Variants in FRMPD4 observed in about 807,000 individuals in gnomAD.
FRMPD4 encodes the protein FERM and PDZ domain containing 4.
In FRMPD4, 22 loss-of-function variants were observed where a neutral mutation model predicts 94.1. That is an observed-to-expected ratio of 0.23 (90% CI 0.17 to 0.33). FRMPD4 has a LOEUF of 0.33. Among genes scored for constraint, FRMPD4 ranks in the 10% least tolerant of loss-of-function variants. The pLI is 1.00. For synonymous variants in FRMPD4, 631 were observed against 548.6 expected (o/e 1.15, Z -2.10); for missense variants, 1,111 against 1,339.9 (o/e 0.83, Z 2.67).
At chrX:12,358,406 A>G (rs1028892992) in intron 1 of FRMPD4, among the ~76,000 whole-genome samples, 2 of 111,389 alleles carry the variant, frequency 1.8e-5, no homozygotes, top group Non-Finnish European at 3.8e-5. Flanking sequence ...TATTTGGAGA[A>G]GTGACTGTCT....
At chrX:12,344,800 T>C (rs2147963974) in intron 1 of FRMPD4, among the ~76,000 whole-genome samples, 1 of 111,959 alleles carries the variant, frequency 8.9e-6, no homozygotes, top group South Asian at 3.7e-4. Flanking sequence ...AGATGGCAAG[T>C]GCTGAATTCC....
chrX:11,910,473 G>A (rs767322666), intron 3 of FRMPD4, among the ~76,000 whole-genome samples: 2 of 111,605 alleles, frequency 1.8e-5, no homozygotes, highest in South Asian at 3.8e-4. Flanking sequence ...AGGCTGGAGT[G>A]CAGTGGTGTG....
chrX:12,348,835 T>A (rs754702737), intron 1 of FRMPD4, among the ~76,000 whole-genome samples: 1 of 111,597 alleles, frequency 9.0e-6, no homozygotes, highest in Non-Finnish European at 1.9e-5. Flanking sequence ...CATAAAGTAA[T>A]GGGAAACAGC....
intron 3 of FRMPD4, among the ~76,000 whole-genome samples, chrX:11,997,853 T>C (rs1419593009): frequency 1.8e-5 from 2 of 111,338 alleles, no homozygotes; most frequent in Non-Finnish European, 3.8e-5. Context: ...TTCTGGGCAA[T>C]AATCCAAACT....
intron 2 of FRMPD4, among the ~76,000 whole-genome samples, chrX:12,507,927 C>T (rs1308816125): frequency 8.9e-6 from 1 of 111,811 alleles, no homozygotes; most frequent in Non-Finnish European, 1.9e-5. Context: ...CTCTAACCAG[C>T]ACCTTTGTGG....
Position 11,982,630 on chromosome X carries a change from G to T in FRMPD4, c.95+104612G>T, listed in dbSNP as rs369433979. Among the ~76,000 whole-genome samples, 9 of 111,389 alleles carry T rather than the reference G, an allele frequency of 8.1e-5. No homozygotes were observed. In the East Asian group the frequency reaches 2.5e-3, roughly 31 times the overall value. On this transcript the variant is annotated intron_variant, in intron 3 of 18. Coordinates refer to the FRMPD4 transcript ENST00000640291. Reference sequence around the variant, plus strand: ...TTTGTCCCGTGGACTGTATCTGGAAGAACTTTATTGGATGTCTTTCAGCTC... The same window carrying T: ...TTTGTCCCGTGGACTGTATCTGGAATAACTTTATTGGATGTCTTTCAGCTC...
intron 1 of FRMPD4, among the ~76,000 whole-genome samples, chrX:12,408,220 T>C (rs1204355949): frequency 9.4e-6 from 1 of 105,821 alleles, no homozygotes; most frequent in Non-Finnish European, 1.9e-5. Context: ...TCAAGGTTGT[T>C]TGACCTAAGG....
intron 1 of FRMPD4, among the ~76,000 whole-genome samples, chrX:12,383,474 A>G (rs1052547067): frequency 7.2e-5 from 8 of 111,163 alleles, no homozygotes; most frequent in South Asian, 3.9e-4. Flanking sequence ...TCCAAATCTC[A>G]ATAATGCCAA....
At chrX:11,919,655 A>G (rs922894649) in intron 3 of FRMPD4, among the ~76,000 whole-genome samples, 2 of 111,650 alleles carry the variant, frequency 1.8e-5, no homozygotes, top group Non-Finnish European at 3.8e-5. Context: ...AGGCTCCCCA[A>G]ATCAGGAGCT....
At chrX:12,023,859 G>C (rs1032289325) in intron 3 of FRMPD4, among the ~76,000 whole-genome samples, 3 of 111,673 alleles carry the variant, frequency 2.7e-5, no homozygotes, top group Non-Finnish European at 5.6e-5. Flanking sequence ...TCCTGCCTCA[G>C]CCTGCCATTT....
chrX:12,388,246 C>T (rs376030343), intron 1 of FRMPD4, among the ~76,000 whole-genome samples: 1 of 111,996 alleles, frequency 8.9e-6, no homozygotes, highest in African/African-American at 3.2e-5. Context: ...ATTGTATATA[C>T]TAGATTTTAA....
At chrX:12,185,048 A>G (rs1208193443) in intron 1 of FRMPD4, among the ~76,000 whole-genome samples, 1 of 111,641 alleles carries the variant, frequency 9.0e-6, no homozygotes, top group African/African-American at 3.3e-5. Flanking sequence ...GGGATACTCC[A>G]TTTTCTATGA....
intron 2 of FRMPD4, among the ~76,000 whole-genome samples, chrX:12,532,451 A>G (rs1019288159): frequency 1.8e-5 from 2 of 111,794 alleles, no homozygotes; most frequent in Non-Finnish European, 3.8e-5. Flanking sequence ...CTGACCTCTG[A>G]CTGTAAGTGA....
intron 4 of FRMPD4, among the ~76,000 whole-genome samples, chrX:12,660,515 G>A (rs897217058): frequency 4.5e-5 from 5 of 112,012 alleles, no homozygotes; most frequent in Non-Finnish European, 9.4e-5. Flanking sequence ...TTTAATGGAG[G>A]TCACAAATAC....
intron 3 of FRMPD4, among the ~76,000 whole-genome samples, chrX:12,075,750 A>G (rs747140092): frequency 1.8e-5 from 2 of 112,259 alleles, no homozygotes; most frequent in South Asian, 7.5e-4. Context: ...AAGACAGCCA[A>G]TGACCACAGT....
At chrX:12,052,750 C>T in intron 3 of FRMPD4, among the ~76,000 whole-genome samples, 1 of 111,596 alleles carries the variant, frequency 9.0e-6, no homozygotes, top group Admixed American at 9.5e-5. Context: ...TGAGCTTTTC[C>T]TAAGTCTCTT....
At chrX:12,522,336 T>C (rs1187189051) in intron 2 of FRMPD4, among the ~76,000 whole-genome samples, 1 of 111,232 alleles carries the variant, frequency 9.0e-6, no homozygotes, top group African/African-American at 3.3e-5. Context: ...AAATGACATA[T>C]CTGATTGGGT....
At chrX:12,715,998 G>GCCGGGGGCCCCCCC in intron 14 of FRMPD4, 71 bp from the exon 15 acceptor site, 2 of 383,858 alleles carry the variant, frequency 5.2e-6, no homozygotes, top group Non-Finnish European at 4.7e-6. Flanking sequence ...ACAGAGACGA[G>GCCGGGGGCCCCCCC]CCTCCCACCC....
At chrX:12,256,256 T>A (rs1222996938) in intron 1 of FRMPD4, among the ~76,000 whole-genome samples, 1 of 111,759 alleles carries the variant, frequency 8.9e-6, no homozygotes, top group East Asian at 2.8e-4. Flanking sequence ...TCATGTTTCA[T>A]CCAGAGATGC....
Sources: gnomAD v4.1 joint callset for allele counts (sites outside exome capture counted in the v4.1 genomes callset) on GRCh38, gnomAD v4.1.1 for gene constraint, MANE v1.5 for transcripts, NCBI Gene and HGNC (gene_info 2026-07-23, HGNC 2026-07-21) for gene names.